TMEM117: variants seen among roughly 807,000 people sequenced by gnomAD.
TMEM117 encodes the protein transmembrane protein 117.
A neutral mutation model predicts 52.4 loss-of-function variants in TMEM117; 27 were observed. The observed-to-expected ratio is 0.51, with a 90% confidence interval of 0.38 to 0.71. The LOEUF is 0.71. Among genes scored for constraint, TMEM117 ranks in the 30% least tolerant of loss-of-function variants. TMEM117 has a pLI of 0.00. For missense variants in TMEM117, 556 were observed against 630.5 expected, an observed-to-expected ratio of 0.88 and a Z score of 1.26; for synonymous variants, 215 against 206.3, an observed-to-expected ratio of 1.04 and a Z score of -0.36.
chr12:44,297,625 G>C (rs1225346901), intron 5 of TMEM117, among the ~76,000 whole-genome samples: 2 of 152,122 alleles, frequency 1.3e-5, no homozygotes, highest in African/African-American at 2.4e-5. Flanking sequence ...GAAAAGCCAA[G>C]AATGATAAGA....
chr12:44,258,202 T>C (rs1004381683), intron 5 of TMEM117, among the ~76,000 whole-genome samples: 1 of 152,250 alleles, frequency 6.6e-6, no homozygotes, highest in South Asian at 2.1e-4. Flanking sequence ...TGATGCTAGA[T>C]AGTACAAACC....
chr12:44,380,715 G>T (rs1952008109), intron 7 of TMEM117, among the ~76,000 whole-genome samples: 1 of 150,760 alleles, frequency 6.6e-6, no homozygotes, highest in African/African-American at 2.5e-5. Context: ...CATGTAGTAA[G>T]CATTCAGTAA....
chr12:43,954,207 TC>T (rs1839267110), intron 3 of TMEM117, among the ~76,000 whole-genome samples: 1 of 151,954 alleles, frequency 6.6e-6, no homozygotes, highest in Non-Finnish European at 1.5e-5. Flanking sequence ...GCTAGAAAGA[TC>T]TCAAATTGAC....
intron 4 of TMEM117, among the ~76,000 whole-genome samples, chr12:44,159,413 A>G (rs945955431): frequency 5.9e-5 from 9 of 152,126 alleles, no homozygotes; most frequent in Non-Finnish European, 2.9e-5. Flanking sequence ...TTTTTTAACC[A>G]AAAACTGCAG....
chr12:44,145,548 G>A (rs2138206158), intron 4 of TMEM117, among the ~76,000 whole-genome samples: 1 of 152,260 alleles, frequency 6.6e-6, no homozygotes, highest in East Asian at 1.9e-4. Context: ...AACGTATAAG[G>A]TAGACATAAG....
At chr12:43,914,405 C>T (rs1305293323) in intron 2 of TMEM117, among the ~76,000 whole-genome samples, 2 of 152,142 alleles carry the variant, frequency 1.3e-5, no homozygotes, top group African/African-American at 2.4e-5. Context: ...TTCTTTATCC[C>T]TGCACTAAGT....
At chr12:44,259,601 T>G (rs1028381797) in intron 5 of TMEM117, among the ~76,000 whole-genome samples, 1 of 152,130 alleles carries the variant, frequency 6.6e-6, no homozygotes, top group Non-Finnish European at 1.5e-5. Flanking sequence ...CCAACCTTAG[T>G]AGGTAATTAA....
intron 3 of TMEM117, among the ~76,000 whole-genome samples, chr12:44,056,754 C>G (rs1282712696): frequency 6.6e-6 from 1 of 152,190 alleles, no homozygotes; most frequent in Non-Finnish European, 1.5e-5. Flanking sequence ...GTGTATCTCT[C>G]TCTCTCTCTG....
chr12:43,823,533 C>T, the TMEM117 span, among the ~76,000 whole-genome samples: 1 of 151,836 alleles, frequency 6.6e-6, no homozygotes, highest in African/African-American at 2.4e-5. Flanking sequence ...TTTTTTGAGA[C>T]AGAGTTCCAC....
chr12:44,229,147 T>A (rs1949902154), intron 5 of TMEM117, among the ~76,000 whole-genome samples: 1 of 151,904 alleles, frequency 6.6e-6, no homozygotes, highest in African/African-American at 2.4e-5. Context: ...AATAGTGCCA[T>A]TTAGAGATGG....
intron 4 of TMEM117, among the ~76,000 whole-genome samples, chr12:44,166,050 C>A (rs1298497747): frequency 1.3e-5 from 2 of 152,120 alleles, no homozygotes; most frequent in Non-Finnish European, 1.5e-5. Flanking sequence ...TGGAATAAAA[C>A]TGGAAATCAA....
At chr12:43,829,905 TG>T in the TMEM117 span, among the ~76,000 whole-genome samples, 2 of 151,800 alleles carry the variant, frequency 1.3e-5, no homozygotes, top group Non-Finnish European at 2.9e-5. Context: ...CTGACCAACA[TG>T]GTGAAACCCC....
chr12:43,923,442 C>T (rs1485345851), intron 2 of TMEM117, among the ~76,000 whole-genome samples: 2 of 152,186 alleles, frequency 1.3e-5, no homozygotes, highest in Non-Finnish European at 1.5e-5. Context: ...TGACAATACT[C>T]CTATAACAGG....
intron 5 of TMEM117, among the ~76,000 whole-genome samples, chr12:44,236,220 A>G (rs879921501): frequency 2.0e-5 from 3 of 151,524 alleles, no homozygotes; most frequent in Non-Finnish European, 2.9e-5. Flanking sequence ...CCATTGTGCC[A>G]TTCTCTTCCA....
chr12:43,877,632 C>G (rs1256586583), intron 2 of TMEM117, among the ~76,000 whole-genome samples: 1 of 123,346 alleles, frequency 8.1e-6, no homozygotes, highest in African/African-American at 4.0e-5. Flanking sequence ...GCGACTCGGT[C>G]TCAAAAAAAA....
At chr12:44,125,434 C>T (rs1246572945) in intron 3 of TMEM117, among the ~76,000 whole-genome samples, 2 of 152,100 alleles carry the variant, frequency 1.3e-5, no homozygotes, top group African/African-American at 4.8e-5. Flanking sequence ...CTGGTTCAGT[C>T]TTGGGAAGAT....
intron 3 of TMEM117, among the ~76,000 whole-genome samples, chr12:44,065,878 A>G (rs1225864763): frequency 6.6e-6 from 1 of 152,220 alleles, no homozygotes; most frequent in Non-Finnish European, 1.5e-5. Context: ...CATAAGGAGA[A>G]TATCATTTGC....
At chr12:44,123,244 G>GT (rs146192762) in intron 3 of TMEM117, among the ~76,000 whole-genome samples, 16,490 of 147,376 alleles carry the variant, frequency 0.11, 2,419 homozygotes, top group African/African-American at 0.34. Flanking sequence ...TTTTAATGGG[G>GT]TTTTTTTTTT....
intron 5 of TMEM117, among the ~76,000 whole-genome samples, chr12:44,246,959 G>T (rs2094297653): frequency 6.6e-6 from 1 of 152,208 alleles, no homozygotes; most frequent in South Asian, 2.1e-4. Context: ...TCACTCAGAA[G>T]CAGTGGTTAT....
Sources: allele counts gnomAD v4.1 joint callset (sites outside exome capture counted in the v4.1 genomes callset), GRCh38; gene constraint gnomAD v4.1.1; transcripts MANE v1.5; gene names NCBI Gene and HGNC (gene_info 2026-07-23, HGNC 2026-07-21).